The following CCN4 variants were observed in gnomAD, a reference collection of about 807,000 sequenced individuals.
CCN4 encodes the protein cellular communication network factor 4.
Under a neutral mutation model 36.7 loss-of-function variants are expected in CCN4, and 30 were observed. The ratio of observed to expected loss-of-function variants is 0.82; its 90% confidence interval spans 0.61 to 1.11. The LOEUF (loss-of-function observed/expected upper bound fraction) is 1.11. Among genes scored for constraint, CCN4 ranks in the 50% least tolerant of loss-of-function variants. The pLI is 0.00. For synonymous variants in CCN4, 191 were observed against 195.4 expected (o/e 0.98, Z 0.19); for missense variants, 505 against 504.9 (o/e 1.00, Z 0.00).
intron 3 of CCN4, among the ~76,000 whole-genome samples, chr8:133,222,602 G>T (rs767298153): frequency 2.4e-4 from 37 of 151,748 alleles, no homozygotes; most frequent in Admixed American, 4.6e-4. Flanking sequence ...TGGGAATGCT[G>T]ACATGTGAAG....
In CCN4 at chr8:133,191,176, C is replaced by T. The variant is rs779130870; in HGVS notation, c.32C>T (p.Ala11Val). ...TGGTTCCTGCCCTGGACGCTGGCAG[C>T]AGTGACAGCAGCAGCCGCCAGCACC... MRWFLPWTLA[A>V]VTAAAASTVL... The change falls in exon 1 of 5, where the codon GCA becomes GTA. Residue 11 changes from alanine (A) to valine (V), a missense_variant. Transcript: ENST00000250160. The T allele has an allele frequency of 3.7e-6, 6 of 1,605,644 alleles. No homozygotes were observed. Among genetic ancestry groups the T allele is most frequent in the Non-Finnish European group, 5.1e-6 (6 of 1,179,590 alleles).
chr8:133,200,526 A>G (rs1355288231), intron 1 of CCN4, among the ~76,000 whole-genome samples: 2 of 152,218 alleles, frequency 1.3e-5, no homozygotes, highest in African/African-American at 4.8e-5. Flanking sequence ...GGCCTGGGAC[A>G]TGAAAGGCCC....
rs980377654 is a variant in CCN4, at chr8:133,224,756, G to A, written c.611-634G>A. Among the ~76,000 whole-genome samples, 17 of 152,070 alleles carry A rather than the reference G, an allele frequency of 1.1e-4. 1 individual carries two copies. In the South Asian group the frequency reaches 3.5e-3, roughly 32 times the overall value. On this transcript the variant is annotated intron_variant, in intron 3 of 4. Coordinates refer to ENST00000250160, the MANE Select transcript of CCN4 (RefSeq NM_003882.4). ...TTGAGACCAGCCTGACCAACATGGT[G>A]AAACCTCATCTCTACTAAAAATACA...
At chr8:133,211,363 AAG>A (rs1189407221) in intron 1 of CCN4, among the ~76,000 whole-genome samples, 9 of 152,348 alleles carry the variant, frequency 5.9e-5, no homozygotes, top group Non-Finnish European at 5.9e-5. Context: ...TCTAAAACTT[AAG>A]AGAGACTATG....
At chr8:133,227,266 C>A in intron 4 of CCN4, 145 bp from the exon 5 acceptor site, 1 of 738,666 alleles carries the variant, frequency 1.4e-6, no homozygotes, top group South Asian at 1.9e-5. Context: ...TGCTGTTGTC[C>A]CTCCTTGCTT....
intron 2 of CCN4, among the ~76,000 whole-genome samples, chr8:133,216,761 T>G (rs1854334760): frequency 6.6e-6 from 1 of 152,228 alleles, no homozygotes; most frequent in South Asian, 2.1e-4. Context: ...GCTCTGCCAC[T>G]TGCTAGCTAC....
intron 1 of CCN4, among the ~76,000 whole-genome samples, chr8:133,195,480 G>C (rs913188663): frequency 6.6e-6 from 1 of 152,034 alleles, no homozygotes; most frequent in Non-Finnish European, 1.5e-5. Flanking sequence ...CCTGTTTAGA[G>C]TTGGAATCTG....
chr8:133,215,251 A>T (rs1389530286), intron 2 of CCN4, among the ~76,000 whole-genome samples: 1 of 152,142 alleles, frequency 6.6e-6, no homozygotes, highest in African/African-American at 2.4e-5. Flanking sequence ...CTAGTCCTTT[A>T]ACAAGACTCC....
Position 133,220,578 on chromosome 8 carries a change from C to A in CCN4, c.350-3C>A. The A allele has an allele frequency of 5.6e-6, 9 of 1,610,526 alleles. No individual in the cohort carries two copies. The highest frequency in any genetic ancestry group is 7.6e-6 in the Non-Finnish European group (9 of 1,177,080). ...GGGCCTGACCGGCCACCTGTGTTTG[C>A]AGAGGTGGTCGGTGTGGGCTGCGTC... On this transcript the variant is annotated splice_region_variant and splice_polypyrimidine_tract_variant and intron_variant, in intron 2 of 4. Transcript: ENST00000250160.
intron 1 of CCN4, among the ~76,000 whole-genome samples, chr8:133,205,872 C>T (rs1344696568): frequency 6.6e-6 from 1 of 152,154 alleles, no homozygotes; most frequent in Admixed American, 6.5e-5. Context: ...CTACTAATTA[C>T]CTCTCTCTCC....
At chr8:133,214,908 G>T (rs1375715769) in intron 2 of CCN4, among the ~76,000 whole-genome samples, 1 of 152,166 alleles carries the variant, frequency 6.6e-6, no homozygotes, top group Non-Finnish European at 1.5e-5. Flanking sequence ...GTCCATGAGG[G>T]TTATGTACAT....
rs1564272746 is a variant in CCN4 at position 133,231,336 on chromosome 8, A to G, written c.*3626A>G. ...TGTGTGTATATATATGTATGTATGT[A>G]TCTATTTTCAAACTGTGATTTAATA... On this transcript the variant is annotated 3_prime_UTR_variant, in exon 5 of 5. Transcript: ENST00000250160. 1 of 152,226 alleles carries G rather than the reference A, an allele frequency of 6.6e-6. No homozygotes were observed. Among genetic ancestry groups the G allele is most frequent in the South Asian group, 2.1e-4 (1 of 4,826 alleles). 9.4% of individuals were successfully genotyped at this position (152,226 alleles called of 1,614,324 possible). A position where few individuals can be genotyped will look rare whatever the true frequency, so the allele number is the denominator to read the frequency against.
At chr8:133,197,495 A>AC (rs1469380074) in intron 1 of CCN4, among the ~76,000 whole-genome samples, 1 of 152,092 alleles carries the variant, frequency 6.6e-6, no homozygotes, top group East Asian at 1.9e-4. Context: ...GATTTCAAAC[A>AC]CCAGTGACCG....
intron 2 of CCN4, among the ~76,000 whole-genome samples, chr8:133,214,511 G>T (rs1179662886): frequency 6.6e-6 from 1 of 151,642 alleles, no homozygotes; most frequent in African/African-American, 2.4e-5. Context: ...GGAGGTGGTT[G>T]TTGTTGTTGT....
At chr8:133,198,375 T>C (rs1853464508) in intron 1 of CCN4, among the ~76,000 whole-genome samples, 1 of 152,166 alleles carries the variant, frequency 6.6e-6, no homozygotes, top group South Asian at 2.1e-4. Flanking sequence ...CACAGCAGCC[T>C]CATACAACTG....
intron 1 of CCN4, among the ~76,000 whole-genome samples, chr8:133,211,990 T>A (rs1588193842): frequency 6.6e-6 from 1 of 152,228 alleles, no homozygotes; most frequent in South Asian, 2.1e-4. Flanking sequence ...GGCATCTCCA[T>A]CTGCCGCTCC....
At chr8:133,193,215 G>A (rs1853179492) in intron 1 of CCN4, among the ~76,000 whole-genome samples, 1 of 152,204 alleles carries the variant, frequency 6.6e-6, no homozygotes, top group African/African-American at 2.4e-5. Flanking sequence ...TCCAACCAGG[G>A]TCTCAGTGAG....
At chr8:133,200,194 C>T (rs533645509) in intron 1 of CCN4, among the ~76,000 whole-genome samples, 2 of 152,318 alleles carry the variant, frequency 1.3e-5, no homozygotes, top group African/African-American at 4.8e-5. Flanking sequence ...CCCTGATCCA[C>T]GAACCATTGC....
At chr8:133,211,110 C>T (rs778382411) in intron 1 of CCN4, among the ~76,000 whole-genome samples, 2 of 152,226 alleles carry the variant, frequency 1.3e-5, no homozygotes, top group Non-Finnish European at 2.9e-5. Flanking sequence ...TTCATCTGAA[C>T]CACTTTCCTC....
Sources: gnomAD v4.1 joint callset for allele counts (sites outside exome capture counted in the v4.1 genomes callset) on GRCh38, gnomAD v4.1.1 for gene constraint, MANE v1.5 for transcripts, NCBI Gene and HGNC (gene_info 2026-07-23, HGNC 2026-07-21) for gene names.